The following MBOAT2 variants were observed in gnomAD, a reference collection of about 807,000 sequenced individuals.
MBOAT2 encodes the protein membrane bound glycerophospholipid O-acyltransferase 2.
In MBOAT2, 28 loss-of-function variants were observed where a neutral mutation model predicts 63.4. That is an observed-to-expected ratio of 0.44 (90% CI 0.33 to 0.61). The LOEUF (loss-of-function observed/expected upper bound fraction) is 0.61. Among genes scored for constraint, MBOAT2 ranks in the 20% least tolerant of loss-of-function variants. MBOAT2 has a pLI of 0.03. For synonymous variants in MBOAT2, 211 were observed against 215.6 expected, an observed-to-expected ratio of 0.98 and a Z score of 0.19; for missense variants, 470 against 605.8, an observed-to-expected ratio of 0.78 and a Z score of 2.35.
chr2:8,990,343 T>C (rs1275255433), intron 1 of MBOAT2, among the ~76,000 whole-genome samples: 1 of 152,198 alleles, frequency 6.6e-6, no homozygotes, highest in African/African-American at 2.4e-5. Flanking sequence ...TTTAATATTT[T>C]TATATTATTT....
At chr2:8,879,007 C>T (rs1054462892) in intron 6 of MBOAT2, among the ~76,000 whole-genome samples, 3 of 142,244 alleles carry the variant, frequency 2.1e-5, no homozygotes, top group Non-Finnish European at 3.0e-5. Flanking sequence ...ACCCGGGAGG[C>T]GGAGCTTGCA....
intron 2 of MBOAT2, among the ~76,000 whole-genome samples, chr2:8,947,476 A>C (rs759953265): frequency 6.7e-6 from 1 of 149,304 alleles, no homozygotes; most frequent in Non-Finnish European, 1.5e-5. Context: ...CTGGAAGAAG[A>C]TGCCATAGAG....
At chr2:8,923,675 CATT>C (rs1422856210) in intron 3 of MBOAT2, among the ~76,000 whole-genome samples, 1 of 152,188 alleles carries the variant, frequency 6.6e-6, no homozygotes, top group Non-Finnish European at 1.5e-5. Flanking sequence ...ACCCTGGTAG[CATT>C]ACTTTGCCAA....
rs150906308 is a variant in MBOAT2, at chr2:8,869,748, CA to C, written c.884-1200del. Reference sequence around the variant, plus strand: ...CCTGCTAGCATAGTAACATATTCAACAGAATTAAAAATCTATTAACCGCATG... The same window carrying C: ...CCTGCTAGCATAGTAACATATTCAACGAATTAAAAATCTATTAACCGCATG... On this transcript the variant is annotated intron_variant, in intron 8 of 12. Coordinates refer to ENST00000305997, the MANE Select transcript of MBOAT2 (RefSeq NM_138799.4). Among the ~76,000 whole-genome samples the C allele has an allele frequency of 3.5e-3, 529 of 152,292 alleles. 15 individuals are homozygous for C. In the East Asian group the frequency reaches 0.047, roughly 14 times the overall value.
At position 9,003,626 on chromosome 2, in the gene MBOAT2, G is replaced by A; in HGVS notation, c.-12C>T. 1.7e-6 allele frequency: 2 copies of A among 1,167,976 alleles called. No homozygotes were observed. Among genetic ancestry groups the A allele is most frequent in the Non-Finnish European group, 2.1e-6 (2 of 948,450 alleles). The allele number at this position is 1,167,976 out of a possible 1,614,324, so 72.4% of individuals were successfully genotyped here. On this transcript the variant is annotated 5_prime_UTR_variant, in exon 1 of 13. Transcript: ENST00000305997. This position sits in a 1 kb window ranked among gnomAD's most constrained non-coding sequence, Gnocchi z 5.4. Reference sequence around the variant, plus strand: ...CTGGTGGTGGCCATGGCCGGGCCTCGGCGCTCCGGCCGCCCGCGCCGCTCG... The same window carrying A: ...CTGGTGGTGGCCATGGCCGGGCCTCAGCGCTCCGGCCGCCCGCGCCGCTCG...
At chr2:8,869,923 G>A (rs1398690443) in intron 8 of MBOAT2, among the ~76,000 whole-genome samples, 1 of 152,058 alleles carries the variant, frequency 6.6e-6, no homozygotes, top group Non-Finnish European at 1.5e-5. Flanking sequence ...AACTTCACAA[G>A]TGACAACAAG....
chr2:8,854,337 A>G lies in MBOAT2; in HGVS notation c.*4342T>C, dbSNP rs1218069662. Reference sequence around the variant, plus strand: ...ATCTAAGATGAGTGTATCAACGACCAGCCACTCATTAAATGCACACTGGGT... The same window carrying G: ...ATCTAAGATGAGTGTATCAACGACCGGCCACTCATTAAATGCACACTGGGT... On this transcript the variant is annotated 3_prime_UTR_variant, in exon 13 of 13. Transcript: ENST00000305997. 1.3e-5 allele frequency: 2 copies of G among 152,248 alleles called. No homozygotes were observed. Among genetic ancestry groups the G allele is most frequent in the African/African-American group, 4.8e-5 (2 of 41,460 alleles). The allele number at this position is 152,248 out of a possible 1,614,324, so 9.4% of individuals were successfully genotyped here.
chr2:8,869,209 T>A (rs982108372), intron 8 of MBOAT2, among the ~76,000 whole-genome samples: 5 of 105,260 alleles, frequency 4.8e-5, no homozygotes, highest in Non-Finnish European at 9.9e-5. Context: ...ATCATGCCTA[T>A]TTTTTTTTTT....
At chr2:8,888,277 C>T (rs529790027) in intron 4 of MBOAT2, among the ~76,000 whole-genome samples, 2 of 152,148 alleles carry the variant, frequency 1.3e-5, no homozygotes, top group East Asian at 1.9e-4. Context: ...GGACTTTCTC[C>T]GAGGCTTCAA....
chr2:8,901,706 A>G (rs764871578), intron 4 of MBOAT2, among the ~76,000 whole-genome samples: 1 of 152,190 alleles, frequency 6.6e-6, no homozygotes, highest in Non-Finnish European at 1.5e-5. Context: ...AAAATTCCAG[A>G]TAGTCCCCCC....
At position 8,882,557 on chromosome 2, in the gene MBOAT2, G is replaced by T; in HGVS notation, c.460C>A (p.Arg154=). 6.2e-7 allele frequency: 1 copy of T among 1,614,156 alleles called. No homozygotes were observed. ...LACEIHDGMF[R]KDEELTSSQR... ...GAGGAAGTCAGTTCTTCATCCTTCC[G>T]AAACATCCCTGAGAAACAAAAATAG... The change falls in exon 6 of 13, where the codon CGG becomes AGG. Residue 154 remains arginine (R), a synonymous_variant. Transcript: ENST00000305997.
chr2:8,857,284 G>T lies in MBOAT2; in HGVS notation c.*1395C>A, dbSNP rs879678572. 6.5e-6 allele frequency: 1 copy of T among 152,688 alleles called. No individual in the cohort carries two copies. Among genetic ancestry groups the T allele is most frequent in the Non-Finnish European group, 1.5e-5 (1 of 68,074 alleles). The allele number at this position is 152,688 out of a possible 1,614,324, so 9.5% of individuals were successfully genotyped here. On this transcript the variant is annotated 3_prime_UTR_variant, in exon 13 of 13. Coordinates refer to ENST00000305997, the MANE Select transcript of MBOAT2 (RefSeq NM_138799.4). ...TTGCCCCCTCCCCTCCTACAGGGCAGGAGGTACAATCTGGGGCTGAGGCCA... is the reference window on the plus strand; with the variant it reads ...TTGCCCCCTCCCCTCCTACAGGGCATGAGGTACAATCTGGGGCTGAGGCCA...
At position 8,868,426 on chromosome 2, in the gene MBOAT2, C is replaced by A. The variant is rs1363120934; in HGVS notation, c.987+20G>T. 3.1e-6 allele frequency: 5 copies of A among 1,598,370 alleles called. No individual in the cohort carries two copies. ...GGTACTTAAAGTATATAGTAACTAA[C>A]TTCTTAAAGATTGACTCACCTCTAT... On this transcript the variant is annotated intron_variant, in intron 9 of 12. Transcript: ENST00000305997.
intron 3 of MBOAT2, among the ~76,000 whole-genome samples, chr2:8,935,893 T>C (rs1299461520): frequency 2.6e-5 from 4 of 152,222 alleles, no homozygotes; most frequent in Non-Finnish European, 5.9e-5. Flanking sequence ...TGTCCTTGTC[T>C]GCTGTTCAAT....
At chr2:8,999,615 C>A (rs1672547259) in intron 1 of MBOAT2, among the ~76,000 whole-genome samples, 1 of 152,198 alleles carries the variant, frequency 6.6e-6, no homozygotes, top group African/African-American at 2.4e-5. Flanking sequence ...TTCAGTGATT[C>A]CTGATGTTGT....
intron 1 of MBOAT2, among the ~76,000 whole-genome samples, chr2:8,988,488 C>T (rs989775188): frequency 2.0e-5 from 3 of 152,080 alleles, no homozygotes; most frequent in Non-Finnish European, 4.4e-5. Context: ...AATACTATAA[C>T]TGAGACTAGG....
intron 2 of MBOAT2, among the ~76,000 whole-genome samples, chr2:8,945,115 C>T (rs1271226765): frequency 2.0e-5 from 3 of 152,198 alleles, no homozygotes; most frequent in Non-Finnish European, 4.4e-5. Flanking sequence ...GCCCCCTCCT[C>T]TCCTGACATC....
chr2:8,977,819 A>T (rs1404325888), intron 1 of MBOAT2, among the ~76,000 whole-genome samples: 1 of 152,076 alleles, frequency 6.6e-6, no homozygotes, highest in Admixed American at 6.6e-5. Flanking sequence ...CCATGTGAGT[A>T]ACTGCACCAT....
intron 2 of MBOAT2, among the ~76,000 whole-genome samples, chr2:8,957,770 C>T (rs1669330963): frequency 6.6e-6 from 1 of 152,298 alleles, no homozygotes; most frequent in Middle Eastern, 3.4e-3. Context: ...AAAGCAAGCT[C>T]AGGAAGAGAC....
Sources: gnomAD v4.1 joint callset for allele counts (sites outside exome capture counted in the v4.1 genomes callset) on GRCh38, gnomAD v4.1.1 for gene constraint, Gnocchi (gnomAD v3.1) non-coding constraint, MANE v1.5 for transcripts, NCBI Gene and HGNC (gene_info 2026-07-23, HGNC 2026-07-21) for gene names.